IGLL5: variants seen among roughly 807,000 people sequenced by gnomAD.
IGLL5 encodes immunoglobulin lambda-like polypeptide 5.
A neutral mutation model predicts 20.9 loss-of-function variants in IGLL5; 30 were observed. That is an observed-to-expected ratio of 1.44 (90% CI 1.07 to 1.95). IGLL5 has a LOEUF of 1.95. Among genes scored for constraint, IGLL5 ranks in the 30% most tolerant of loss-of-function variants. IGLL5 has a pLI of 0.00. For synonymous variants in IGLL5, 203 were observed against 117.3 expected, an observed-to-expected ratio of 1.73 and a Z score of -4.72; for missense variants, 475 against 270.7, an observed-to-expected ratio of 1.75 and a Z score of -5.30.
intron 1 of IGLL5, among the ~76,000 whole-genome samples, chr22:22,888,963 GGAGA>G: frequency 6.6e-6 from 1 of 151,384 alleles, no homozygotes; most frequent in South Asian, 2.1e-4. Context: ...TCAGAGGAGA[GGAGA>G]GCACAGGATG....
At chr22:22,890,459 T>G (rs2067800688) in intron 1 of IGLL5, among the ~76,000 whole-genome samples, 1 of 149,994 alleles carries the variant, frequency 6.7e-6, no homozygotes, top group African/African-American at 2.4e-5. Context: ...CCACATTCAT[T>G]GCTTATAAAC....
In IGLL5 at chr22:22,895,367, CCA is replaced by C; in HGVS notation, c.326-3_326-2del. On this transcript the variant is annotated splice_polypyrimidine_tract_variant and splice_region_variant and intron_variant, in intron 2 of 2. Coordinates refer to ENST00000526893, the MANE Select transcript of IGLL5 (RefSeq NM_001178126.2). The stretch of plus-strand genomic sequence containing the variant: ...TGCCCTCTCTCACCCCCTTCCCTGT[CCA>C]CACAGGTCAGCCCAAGGCCAACCCC... The C allele has an allele frequency of 6.2e-7, 1 of 1,612,182 alleles. No homozygotes were observed. Among genetic ancestry groups the C allele is most frequent in the South Asian group, 1.1e-5 (1 of 90,952 alleles).
chr22:22,894,176 A>C lies in IGLL5; in HGVS notation c.325+358A>C, dbSNP rs1601624227. On this transcript the variant is annotated intron_variant, in intron 2 of 2. Transcript: ENST00000526893. The stretch of plus-strand genomic sequence containing the variant: ...CAGTGACTCCTGGGGTCAAGGACAG[A>C]GGCTGCTGGGGTGGGCCTGGGAGCT... Among the ~76,000 whole-genome samples, 6 of 151,438 alleles carry C rather than the reference A, an allele frequency of 4.0e-5. 1 individual carries two copies. Among genetic ancestry groups the C allele is most frequent in the South Asian group, 2.1e-4 (1 of 4,770 alleles).
At position 22,888,152 on chromosome 22, in the gene IGLL5, G is replaced by A. The variant is rs55812037; in HGVS notation, c.99G>A (p.Met33Ile). 4.5e-6 allele frequency: 7 copies of A among 1,549,382 alleles called. No individual in the cohort carries two copies. Among genetic ancestry groups the A allele is most frequent in the South Asian group, 2.4e-5 (2 of 83,982 alleles). Residue 33 changes from methionine (M) to isoleucine (I), a missense_variant, in exon 1 of 3, where the codon ATG becomes ATA. By Grantham distance (10) the Met-to-Ile change is conservative. Transcript: ENST00000526893. ...RWPLLLLGLA[M>I]VAHGLLRPMV... is the part of the protein sequence containing the mutation. ...CCCTGCTGCTGCTGGGTCTGGCCAT[G>A]GTCGCCCATGGCCTGCTGCGCCCAA...
chr22:22,888,141 G>A lies in IGLL5; in HGVS notation c.88G>A (p.Gly30Ser), dbSNP rs779042230. ...PRQRWPLLLL[G>S]LAMVAHGLLR... ...GCAGCGCTGGCCCCTGCTGCTGCTG[G>A]GTCTGGCCATGGTCGCCCATGGCCT... Residue 30 changes from glycine to serine, a missense_variant, in exon 1 of 3, where the codon GGT (glycine) becomes AGT (serine). Physicochemically the swap from Gly to Ser is moderately conservative, Grantham distance 56. Coordinates refer to ENST00000526893, the MANE Select transcript of IGLL5 (RefSeq NM_001178126.2). 8 of 1,549,716 alleles carry A rather than the reference G, an allele frequency of 5.2e-6. No homozygotes were observed. The highest frequency in any genetic ancestry group is 4.1e-5 in the African/African-American group (3 of 72,946).
chr22:22,894,168 A>C (rs552221473), intron 2 of IGLL5, among the ~76,000 whole-genome samples: 5 of 151,474 alleles, frequency 3.3e-5, no homozygotes, highest in African/African-American at 1.2e-4. Flanking sequence ...TCCTGGGGTC[A>C]AGGACAGAGG....
chr22:22,893,254 G>A (rs1300267840), intron 1 of IGLL5, among the ~76,000 whole-genome samples: 1 of 151,164 alleles, frequency 6.6e-6, no homozygotes, highest in Non-Finnish European at 1.5e-5. Flanking sequence ...AAAGCTTCAT[G>A]CACTAAGTGG....
rs2145983405 is a variant in IGLL5, at chr22:22,888,664, C to T, written c.206+405C>T. ...CCTCTCTGCCCATGTGCCTCCTGCC[C>T]AGTGAGGGCAGGGGCCACTCCCTGG... On this transcript the variant is annotated intron_variant, in intron 1 of 2. Transcript: ENST00000526893. Among the ~76,000 whole-genome samples, 2 of 151,310 alleles carry T rather than the reference C, an allele frequency of 1.3e-5. 1 individual carries two copies. The highest frequency in any genetic ancestry group is 4.8e-5 in the African/African-American group (2 of 41,304).
At chr22:22,889,614 G>C (rs1218967269) in intron 1 of IGLL5, among the ~76,000 whole-genome samples, 1 of 151,210 alleles carries the variant, frequency 6.6e-6, no homozygotes, top group African/African-American at 2.4e-5. Flanking sequence ...TTTTGAAACA[G>C]TCTTGATCTG....
chr22:22,888,660 T>G (rs186974343), intron 1 of IGLL5, among the ~76,000 whole-genome samples: 1 of 151,294 alleles, frequency 6.6e-6, no homozygotes, highest in Non-Finnish European at 1.5e-5. Flanking sequence ...ATGTGCCTCC[T>G]GCCCAGTGAG....
rs190640992 is a variant in IGLL5 at position 22,888,262 on chromosome 22, A to T, written c.206+3A>T. On this transcript the variant is annotated splice_donor_region_variant and intron_variant, in intron 1 of 2. Transcript: ENST00000526893. ...AGCCTGCGGAGCCTGTGGGGCAGGT[A>T]AGGGGCAAGAGATTCCAGGGGATGT... The T allele has an allele frequency of 2.5e-5, 38 of 1,546,874 alleles. 2 individuals are homozygous for T. Among genetic ancestry groups the T allele is most frequent in the Middle Eastern group, 2.1e-4 (1 of 4,824 alleles).
chr22:22,894,709 G>A (rs1274843825), intron 2 of IGLL5, among the ~76,000 whole-genome samples: 6 of 151,466 alleles, frequency 4.0e-5, no homozygotes, highest in Middle Eastern at 3.7e-3. Flanking sequence ...ATAGTCTGTG[G>A]GAGCAGCCCC....
At position 22,887,932 on chromosome 22, in the gene IGLL5, G is replaced by A. The variant is rs2067553768; in HGVS notation, c.-122G>A. 2 of 808,624 alleles carry A rather than the reference G, an allele frequency of 2.5e-6. No homozygotes were observed. Among genetic ancestry groups the A allele is most frequent in the South Asian group, 1.5e-5 (1 of 67,890 alleles). 50.1% of individuals were successfully genotyped at this position (808,624 alleles called of 1,614,324 possible). Reference sequence around the variant, plus strand: ...AGGGACCAGAGCCAGTCCAGGGAGAGGACAGAGCCAATGGACTGGGGTGTA... The same window carrying A: ...AGGGACCAGAGCCAGTCCAGGGAGAAGACAGAGCCAATGGACTGGGGTGTA... On this transcript the variant is annotated 5_prime_UTR_variant, in exon 1 of 3. Coordinates refer to ENST00000526893, the MANE Select transcript of IGLL5 (RefSeq NM_001178126.2).
At chr22:22,889,390 A>C (rs552943735) in intron 1 of IGLL5, among the ~76,000 whole-genome samples, 9 of 151,226 alleles carry the variant, frequency 6.0e-5, no homozygotes, top group South Asian at 2.1e-4. Context: ...GAGTCAAAAA[A>C]CAAAGTGTGT....
At chr22:22,894,362 C>T (rs566913348) in intron 2 of IGLL5, among the ~76,000 whole-genome samples, 2 of 151,468 alleles carry the variant, frequency 1.3e-5, no homozygotes, top group Admixed American at 6.6e-5. Context: ...TGGGTCTAGG[C>T]TGCAGCTCTG....
chr22:22,894,311 T>G (rs2068015043), intron 2 of IGLL5, among the ~76,000 whole-genome samples: 1 of 150,144 alleles, frequency 6.7e-6, no homozygotes, highest in South Asian at 2.1e-4. Flanking sequence ...GACACAGAGG[T>G]CACCCCAAGG....
intron 1 of IGLL5, among the ~76,000 whole-genome samples, chr22:22,889,641 A>C (rs1055724452): frequency 6.6e-6 from 1 of 151,402 alleles, no homozygotes; most frequent in Admixed American, 6.6e-5. Flanking sequence ...AGGCTGGAGT[A>C]CAGTGGCGTG....
intron 2 of IGLL5, among the ~76,000 whole-genome samples, chr22:22,894,963 G>A (rs1434217565): frequency 3.3e-5 from 5 of 151,502 alleles, no homozygotes; most frequent in South Asian, 4.2e-4. Flanking sequence ...GGGACCCACA[G>A]TTCACGGAGG....
intron 1 of IGLL5, among the ~76,000 whole-genome samples, chr22:22,889,451 T>G (rs140905737): frequency 0.021 from 3,178 of 151,140 alleles, 111 homozygotes; most frequent in African/African-American, 0.063. Context: ...AAGGGTTGGT[T>G]GGGGGAATAA....
Sources: allele counts gnomAD v4.1 joint callset (sites outside exome capture counted in the v4.1 genomes callset), GRCh38; gene constraint gnomAD v4.1.1; transcripts MANE v1.5; gene names NCBI Gene and HGNC (gene_info 2026-07-23, HGNC 2026-07-21).